The following TRPM3 variants were observed in gnomAD, a reference collection of about 807,000 sequenced individuals.
TRPM3 encodes the protein transient receptor potential cation channel subfamily M member 3.
A neutral mutation model predicts 181.2 loss-of-function variants in TRPM3; 77 were observed. The observed-to-expected ratio is 0.42, with a 90% confidence interval of 0.35 to 0.51. The LOEUF (loss-of-function observed/expected upper bound fraction) is 0.51, where lower values mean the gene tolerates loss of function less well. TRPM3 is among the 20% of genes least tolerant of loss of function. The pLI is 0.01. For synonymous variants in TRPM3, 745 were observed against 796.4 expected (o/e 0.94, Z 1.09); for missense variants, 1,759 against 2,196.7 (o/e 0.80, Z 3.98).
chr9:71,411,997 A>C (rs973760205), intron 1 of TRPM3, among the ~76,000 whole-genome samples: 1 of 152,202 alleles, frequency 6.6e-6, no homozygotes, highest in Non-Finnish European at 1.5e-5. Flanking sequence ...AGAAATGGGG[A>C]AAGGATTACC....
intron 1 of TRPM3, among the ~76,000 whole-genome samples, chr9:71,261,010 T>C (rs1192143534): frequency 6.6e-6 from 1 of 152,210 alleles, no homozygotes; most frequent in Non-Finnish European, 1.5e-5. Flanking sequence ...GGAGTATCTT[T>C]GTGGTGTTCT....
chr9:70,596,535 C>G (rs992935854), intron 21 of TRPM3, among the ~76,000 whole-genome samples: 8 of 151,988 alleles, frequency 5.3e-5, no homozygotes, highest in Non-Finnish European at 1.0e-4. Context: ...AGTTTGAGAC[C>G]AGCCTGGCCA....
intron 1 of TRPM3, among the ~76,000 whole-genome samples, chr9:71,231,456 G>C (rs182947407): frequency 8.0e-4 from 122 of 152,262 alleles, no homozygotes; most frequent in African/African-American, 2.8e-3. Flanking sequence ...TTCTTCCATA[G>C]AGCCTTCAAA....
intron 1 of TRPM3, among the ~76,000 whole-genome samples, chr9:71,274,502 C>T (rs908701013): frequency 6.6e-6 from 1 of 152,154 alleles, no homozygotes; most frequent in Non-Finnish European, 1.5e-5. Flanking sequence ...CTACAAACAC[C>T]CTGTCATCTT....
chr9:70,863,555 A>G (rs562418609), intron 2 of TRPM3, among the ~76,000 whole-genome samples: 30 of 152,236 alleles, frequency 2.0e-4, no homozygotes, highest in African/African-American at 7.0e-4. Context: ...GTGAATCACA[A>G]CTGAACTTGT....
At chr9:70,821,479 ATCCACTCTTT>A (rs1168646652) in intron 6 of TRPM3, among the ~76,000 whole-genome samples, 5 of 152,242 alleles carry the variant, frequency 3.3e-5, no homozygotes, top group Non-Finnish European at 7.3e-5. Context: ...GTCCCTTGGT[ATCCACTCTTT>A]AAGCTAACAC....
intron 1 of TRPM3, among the ~76,000 whole-genome samples, chr9:70,980,393 G>A (rs2097353172): frequency 6.6e-6 from 1 of 151,326 alleles, no homozygotes; most frequent in Non-Finnish European, 1.5e-5. Context: ...AGAGAGAGGC[G>A]AAGGAGGCCA....
chr9:70,875,451 C>A (rs1327722505), intron 1 of TRPM3, among the ~76,000 whole-genome samples: 2 of 151,906 alleles, frequency 1.3e-5, no homozygotes, highest in African/African-American at 4.8e-5. Flanking sequence ...GCAGAGTACA[C>A]AAGAGATTTG....
chr9:70,958,644 A>T (rs576116585), intron 1 of TRPM3, among the ~76,000 whole-genome samples: 53 of 152,266 alleles, frequency 3.5e-4, no homozygotes, highest in African/African-American at 1.2e-3. Context: ...TGACCCAGCC[A>T]TCCCATTTCT....
At chr9:70,798,385 A>G (rs2087835451) in intron 6 of TRPM3, among the ~76,000 whole-genome samples, 1 of 152,192 alleles carries the variant, frequency 6.6e-6, no homozygotes, top group Non-Finnish European at 1.5e-5. Context: ...TTAGCCCCTC[A>G]GAGACCCCTA....
intron 1 of TRPM3, among the ~76,000 whole-genome samples, chr9:71,117,483 C>T (rs372666446): frequency 2.0e-5 from 3 of 151,880 alleles, no homozygotes; most frequent in Admixed American, 6.6e-5. Context: ...TCTTTCAGTC[C>T]AAATAGACAA....
At chr9:70,777,048 G>A (rs1363763308) in intron 7 of TRPM3, among the ~76,000 whole-genome samples, 6 of 152,098 alleles carry the variant, frequency 3.9e-5, no homozygotes, top group Non-Finnish European at 7.4e-5. Context: ...TGTTGTTGTT[G>A]TTGTTAAACA....
intron 1 of TRPM3, among the ~76,000 whole-genome samples, chr9:70,912,723 A>G (rs2096550587): frequency 6.6e-6 from 1 of 152,194 alleles, no homozygotes. Context: ...ATACATGATG[A>G]GAAGAGAAGC....
chr9:71,423,176 C>T (rs1019458482), intron 1 of TRPM3, among the ~76,000 whole-genome samples: 1 of 152,032 alleles, frequency 6.6e-6, no homozygotes, highest in African/African-American at 2.4e-5. Context: ...CTTTCATTAA[C>T]AGTAAGTTCA....
At chr9:70,766,705 G>C (rs2079201401) in intron 7 of TRPM3, among the ~76,000 whole-genome samples, 1 of 152,108 alleles carries the variant, frequency 6.6e-6, no homozygotes, top group South Asian at 2.1e-4. Context: ...TGCTTTTTTT[G>C]TAAAAGTTGC....
At chr9:70,638,212 G>A (rs1296427846) in intron 11 of TRPM3, among the ~76,000 whole-genome samples, 1 of 152,104 alleles carries the variant, frequency 6.6e-6, no homozygotes, top group Non-Finnish European at 1.5e-5. Flanking sequence ...TGCCATTTTG[G>A]AAGCAAAAAG....
intron 7 of TRPM3, chr9:70,776,391 C>T (rs754950657): frequency 3.0e-5 from 21 of 698,866 alleles, no homozygotes; most frequent in Non-Finnish European, 5.0e-5. Flanking sequence ...CTGAGAGGAC[C>T]GTCATTCGCC....
At chr9:70,855,772 C>T (rs2095369655) in intron 3 of TRPM3, among the ~76,000 whole-genome samples, 1 of 152,228 alleles carries the variant, frequency 6.6e-6, no homozygotes. Flanking sequence ...GAGAATATGT[C>T]GCTTGAGACT....
intron 1 of TRPM3, among the ~76,000 whole-genome samples, chr9:71,332,342 A>T (rs1226405344): frequency 6.6e-6 from 1 of 150,582 alleles, no homozygotes; most frequent in Non-Finnish European, 1.5e-5. Context: ...ACTGCCCCCA[A>T]AAACTTAGTC....
Sources: gnomAD v4.1 joint callset for allele counts (sites outside exome capture counted in the v4.1 genomes callset) on GRCh38, gnomAD v4.1.1 for gene constraint, MANE v1.5 for transcripts, NCBI Gene and HGNC (gene_info 2026-07-23, HGNC 2026-07-21) for gene names.